TRAPPC9: variants seen among roughly 807,000 people sequenced by gnomAD.
The protein encoded by TRAPPC9 is trafficking protein particle complex subunit 9.
In TRAPPC9, 83 loss-of-function variants were observed where a neutral mutation model predicts 124.0. The observed-to-expected ratio is 0.67, with a 90% CI of 0.56 to 0.80. The LOEUF is 0.80. Ranked by LOEUF, TRAPPC9 falls within the 30% of genes least tolerant of loss-of-function variation. The pLI is 0.00. For missense variants in TRAPPC9, 1,302 were observed against 1,508.3 expected, an observed-to-expected ratio of 0.86 and a Z score of 2.27; for synonymous variants, 638 against 617.5, an observed-to-expected ratio of 1.03 and a Z score of -0.49.
chr8:140,259,066 C>T (rs1033411881), intron 15 of TRAPPC9, among the ~76,000 whole-genome samples: 11 of 152,346 alleles, frequency 7.2e-5, no homozygotes, highest in East Asian at 5.8e-4. Context: ...GGCTCATCTC[C>T]GGCTGCAATG....
Position 140,415,773 on chromosome 8 carries a change from G to A in TRAPPC9, c.887-10075C>T, listed in dbSNP as rs1018850913. The stretch of plus-strand genomic sequence containing the variant: ...CACTTGAGGCCAGGAGTCCAAGACC[G>A]GGCTTGGTAACATAGAGAGACCCCA... On this transcript the variant is annotated intron_variant, in intron 5 of 22. Transcript: ENST00000438773. Among the ~76,000 whole-genome samples, 4 of 151,946 alleles carry A rather than the reference G, an allele frequency of 2.6e-5. No individual in the cohort carries two copies. In the South Asian group the frequency reaches 6.2e-4, roughly 24 times the overall value.
rs758242753 is a variant in TRAPPC9, at chr8:139,910,203, G to T, written c.2908C>A (p.Arg970=). 1.2e-6 allele frequency: 2 copies of T among 1,614,036 alleles called. No homozygotes were observed. Among genetic ancestry groups the T allele is most frequent in the African/African-American group, 1.3e-5 (1 of 74,926 alleles). The change falls in exon 20 of 23, where the codon CGG becomes AGG. Residue 970 remains arginine (R), a synonymous_variant. Coordinates refer to ENST00000438773, the MANE Select transcript of TRAPPC9 (RefSeq NM_001160372.4). ...ATCTCCAGGCCTCGGGCTTCCCGCC[G>T]CTCTTCCTCCAGCTGCTTGGGGTTT... ...FANPKQLEEE[R]REARGLEIHS...
intron 16 of TRAPPC9, among the ~76,000 whole-genome samples, chr8:140,230,055 C>T (rs1271617269): frequency 6.6e-6 from 1 of 152,206 alleles, no homozygotes; most frequent in Admixed American, 6.5e-5. Flanking sequence ...GGAGTCCAGA[C>T]TGTCACCTGC....
chr8:139,925,827 GCACACACACACA>G (rs56794885), intron 19 of TRAPPC9, among the ~76,000 whole-genome samples: 2 of 68,658 alleles, frequency 2.9e-5, no homozygotes, highest in Non-Finnish European at 7.8e-5. Context: ...ACACGCACAC[GCACACACACACA>G]CACACACGTT....
chr8:139,882,829 G>T (rs1194578173), intron 21 of TRAPPC9, among the ~76,000 whole-genome samples: 1 of 152,232 alleles, frequency 6.6e-6, no homozygotes, highest in Non-Finnish European at 1.5e-5. Context: ...AAGAGGTGAA[G>T]TGATGTGCTG....
intron 21 of TRAPPC9, among the ~76,000 whole-genome samples, chr8:139,866,080 G>A (rs1392006212): frequency 6.8e-6 from 1 of 146,230 alleles, no homozygotes; most frequent in Non-Finnish European, 1.5e-5. Context: ...GGTTGAGTTT[G>A]GCTAAAGACC....
At chr8:140,448,292 C>T (rs75652434) in intron 2 of TRAPPC9, among the ~76,000 whole-genome samples, 7,632 of 152,190 alleles carry the variant, frequency 0.05, 362 homozygotes, top group African/African-American at 0.12. Flanking sequence ...TGTCTAATTG[C>T]GGCTGTCCCA....
intron 21 of TRAPPC9, among the ~76,000 whole-genome samples, chr8:139,880,467 G>A (rs1829611136): frequency 6.6e-6 from 1 of 152,108 alleles, no homozygotes; most frequent in South Asian, 2.1e-4. Flanking sequence ...TCTCAAGAAT[G>A]TGCTGGGGTC....
intron 17 of TRAPPC9, among the ~76,000 whole-genome samples, chr8:140,198,842 A>G (rs2131147248): frequency 6.6e-6 from 1 of 152,312 alleles, no homozygotes; most frequent in Middle Eastern, 3.4e-3. Context: ...TGGTAGTCTG[A>G]GAAGTTGGCC....
chr8:140,012,655 C>G (rs572197753), intron 18 of TRAPPC9, among the ~76,000 whole-genome samples: 169 of 152,310 alleles, frequency 1.1e-3, no homozygotes, highest in Non-Finnish European at 1.7e-3. Context: ...CTGGTCAGGC[C>G]GAGGCCCCCC....
At chr8:140,452,254 A>G (rs912397219) in intron 1 of TRAPPC9, among the ~76,000 whole-genome samples, 1 of 151,648 alleles carries the variant, frequency 6.6e-6, no homozygotes, top group Non-Finnish European at 1.5e-5. Flanking sequence ...CCCCATCTTT[A>G]CTAAAAATAC....
chr8:139,971,133 C>T (rs559220578), intron 19 of TRAPPC9, among the ~76,000 whole-genome samples: 27 of 152,244 alleles, frequency 1.8e-4, no homozygotes, highest in Non-Finnish European at 3.1e-4. Context: ...CCCAGGCTCC[C>T]GCCAGTCGTC....
rs147912747 is a variant in TRAPPC9 at position 139,729,884 on chromosome 8, C to T, written c.*1177G>A. On this transcript the variant is annotated 3_prime_UTR_variant, in exon 23 of 23. Coordinates refer to ENST00000438773, the MANE Select transcript of TRAPPC9 (RefSeq NM_001160372.4). ...GTTTCAGTGCCCAACGGGCACCTGA[C>T]GAGCCTGGTATCTGCTGGGGACCAA... Among the ~76,000 whole-genome samples the T allele has an allele frequency of 5.2e-3, 799 of 152,316 alleles. 8 individuals are homozygous for T. The highest frequency in any genetic ancestry group is 0.02 in the Middle Eastern group (6 of 294).
Position 140,125,587 on chromosome 8 carries a change from C to CTTTTTTTTTTTTTTTTTTTT in TRAPPC9, c.2556+95852_2556+95871dup, listed in dbSNP as rs11292333. Reference sequence around the variant, plus strand: ...GCATGTTCATTTATCGAATCTCATTCTTTTTTTTTTTTTTTTTTTTTTTTT... The same window carrying CTTTTTTTTTTTTTTTTTTTT: ...GCATGTTCATTTATCGAATCTCATTCTTTTTTTTTTTTTTTTTTTTTTTTTTTTTTTTTTTTTTTTTTTTT... On this transcript the variant is annotated intron_variant, in intron 17 of 22. Transcript: ENST00000438773. Among the ~76,000 whole-genome samples, 4 of 67,814 alleles carry CTTTTTTTTTTTTTTTTTTTT rather than the reference C, an allele frequency of 5.9e-5. 2 individuals are homozygous for CTTTTTTTTTTTTTTTTTTTT. Among genetic ancestry groups the CTTTTTTTTTTTTTTTTTTTT allele is most frequent in the Non-Finnish European group, 1.1e-4 (4 of 37,474 alleles). The allele number at this position is 67,814 out of a possible 152,430, so 44.5% of individuals were successfully genotyped here.
chr8:140,396,702 C>T (rs2069107121), intron 7 of TRAPPC9, among the ~76,000 whole-genome samples: 1 of 152,122 alleles, frequency 6.6e-6, no homozygotes. Flanking sequence ...CTTCTCCCAT[C>T]TCTTCTTTAC....
intron 7 of TRAPPC9, among the ~76,000 whole-genome samples, chr8:140,389,356 A>G (rs2068856374): frequency 6.6e-6 from 1 of 152,206 alleles, no homozygotes; most frequent in Non-Finnish European, 1.5e-5. Context: ...AGTATATTAT[A>G]CATTACAAAT....
intron 15 of TRAPPC9, among the ~76,000 whole-genome samples, chr8:140,267,173 A>G (rs900562037): frequency 9.2e-5 from 14 of 152,222 alleles, no homozygotes; most frequent in African/African-American, 3.4e-4. Flanking sequence ...AGATGTGTGC[A>G]GAGACTAGAG....
At chr8:139,732,542 G>A (rs556764795) in intron 21 of TRAPPC9, among the ~76,000 whole-genome samples, 4 of 152,312 alleles carry the variant, frequency 2.6e-5, no homozygotes, top group South Asian at 2.1e-4. Context: ...GTCTGACACC[G>A]TAGAGGCGAG....
intron 21 of TRAPPC9, among the ~76,000 whole-genome samples, chr8:139,798,126 TCC>T (rs1823230545): frequency 6.6e-6 from 1 of 152,234 alleles, no homozygotes; most frequent in Admixed American, 6.5e-5. Context: ...AGTCTTCCAA[TCC>T]ATGAACACAG....
Sources: gnomAD v4.1 joint callset for allele counts (sites outside exome capture counted in the v4.1 genomes callset) on GRCh38, gnomAD v4.1.1 for gene constraint, MANE v1.5 for transcripts, NCBI Gene and HGNC (gene_info 2026-07-23, HGNC 2026-07-21) for gene names.